MYO1D: variants seen among roughly 807,000 people sequenced by gnomAD.
MYO1D encodes the protein myosin ID.
Under a neutral mutation model 122.0 loss-of-function variants are expected in MYO1D, and 83 were observed. That is an observed-to-expected ratio of 0.68 (90% CI 0.57 to 0.82). The LOEUF (loss-of-function observed/expected upper bound fraction) is 0.82. MYO1D is among the 40% of genes least tolerant of loss of function. The pLI is 0.00. For missense variants in MYO1D, 1,157 were observed against 1,269.5 expected, an observed-to-expected ratio of 0.91 and a Z score of 1.35; for synonymous variants, 464 against 446.9, an observed-to-expected ratio of 1.04 and a Z score of -0.48.
At chr17:32,828,360 C>CA (rs2090741259) in intron 1 of MYO1D, among the ~76,000 whole-genome samples, 3 of 151,674 alleles carry the variant, frequency 2.0e-5, no homozygotes, top group African/African-American at 7.3e-5. Flanking sequence ...ACTAAAAATA[C>CA]AAAAAATTAG....
chr17:32,525,982 G>A (rs1447607528), intron 21 of MYO1D, among the ~76,000 whole-genome samples: 2 of 152,102 alleles, frequency 1.3e-5, no homozygotes, highest in African/African-American at 4.8e-5. Flanking sequence ...TTTTGCACAC[G>A]CTATTCCCCA....
chr17:32,686,070 C>T (rs2729352), intron 16 of MYO1D, among the ~76,000 whole-genome samples: 98,801 of 152,010 alleles, frequency 0.65, 32,622 homozygotes, highest in Middle Eastern at 0.74. Flanking sequence ...TCTCTGTGAA[C>T]GTTACCAGCT....
chr17:32,821,534 TCACACATACACACA>T (rs1283580538), intron 1 of MYO1D, among the ~76,000 whole-genome samples: 2 of 143,056 alleles, frequency 1.4e-5, no homozygotes, highest in African/African-American at 2.5e-5. Context: ...GATAAGTAAA[TCACACATACACACA>T]CACACACACA....
intron 21 of MYO1D, among the ~76,000 whole-genome samples, chr17:32,539,108 A>G (rs796546677): frequency 5.3e-5 from 8 of 152,290 alleles, no homozygotes; most frequent in Admixed American, 2.6e-4. Context: ...CCTGGAACTT[A>G]AAATAAATAA....
intron 21 of MYO1D, among the ~76,000 whole-genome samples, chr17:32,516,864 A>AT (rs371674793): frequency 1.5e-3 from 234 of 152,304 alleles, no homozygotes; most frequent in African/African-American, 5.3e-3. Flanking sequence ...AAATAGACAC[A>AT]TTTTCCCAAG....
intron 17 of MYO1D, among the ~76,000 whole-genome samples, chr17:32,656,910 T>C (rs2088484683): frequency 6.6e-6 from 1 of 152,228 alleles, no homozygotes; most frequent in South Asian, 2.1e-4. Flanking sequence ...CTGGTCAGCC[T>C]GTCCTGTCTT....
intron 1 of MYO1D, among the ~76,000 whole-genome samples, chr17:32,828,634 AGCT>A (rs1344049967): frequency 6.6e-6 from 1 of 152,118 alleles, no homozygotes; most frequent in Non-Finnish European, 1.5e-5. Flanking sequence ...GTTCTCTCTA[AGCT>A]ACTACATGCA....
chr17:32,633,848 C>A (rs1210184361), intron 20 of MYO1D, among the ~76,000 whole-genome samples: 3 of 152,128 alleles, frequency 2.0e-5, no homozygotes, highest in Admixed American at 1.3e-4. Context: ...GCCTGGTCAC[C>A]CTATTTAAAC....
intron 21 of MYO1D, among the ~76,000 whole-genome samples, chr17:32,581,246 T>G (rs1173993977): frequency 2.6e-5 from 4 of 152,196 alleles, no homozygotes; most frequent in Non-Finnish European, 5.9e-5. Flanking sequence ...ATCACATTCT[T>G]TTGTTACGCA....
chr17:32,812,060 T>C (rs1366906264), intron 1 of MYO1D, among the ~76,000 whole-genome samples: 1 of 152,196 alleles, frequency 6.6e-6, no homozygotes, highest in East Asian at 1.9e-4. Context: ...TATTTGGGTT[T>C]TTCTATTACT....
rs531710711 is a variant in MYO1D, at chr17:32,591,637, A to G, written c.2864+13450T>C. Among the ~76,000 whole-genome samples the G allele has an allele frequency of 3.3e-5, 5 of 151,820 alleles. No individual in the cohort carries two copies. In the East Asian group the frequency reaches 5.8e-4, roughly 18 times the overall value. The stretch of plus-strand genomic sequence containing the variant: ...TTCTTTTGCACTTGTCAGCAATTTC[A>G]AAAACACAAATCTTTGGTGATTTCA... On this transcript the variant is annotated intron_variant, in intron 21 of 21. Transcript: ENST00000318217.
intron 1 of MYO1D, among the ~76,000 whole-genome samples, chr17:32,860,148 C>G (rs77197468): frequency 6.6e-6 from 1 of 152,138 alleles, no homozygotes; most frequent in Non-Finnish European, 1.5e-5. Context: ...ACTGTTGCAA[C>G]GACCTTCCAC....
At chr17:32,820,120 G>A (rs757250595) in intron 1 of MYO1D, among the ~76,000 whole-genome samples, 10 of 152,174 alleles carry the variant, frequency 6.6e-5, no homozygotes, top group Non-Finnish European at 1.2e-4. Context: ...CTTTTAAAAA[G>A]TGAGAACAAG....
chr17:32,774,020 C>T (rs1236486491), intron 4 of MYO1D, among the ~76,000 whole-genome samples: 1 of 152,100 alleles, frequency 6.6e-6, no homozygotes, highest in East Asian at 1.9e-4. Context: ...CTGTGCCTTG[C>T]CAGGCTGAGC....
At chr17:32,571,823 T>C (rs753563954) in intron 21 of MYO1D, among the ~76,000 whole-genome samples, 11 of 152,196 alleles carry the variant, frequency 7.2e-5, no homozygotes, top group Non-Finnish European at 1.6e-4. Context: ...AAGTAACCCA[T>C]GCAGAGGACT....
intron 19 of MYO1D, among the ~76,000 whole-genome samples, chr17:32,641,483 G>T (rs1394342524): frequency 6.6e-6 from 1 of 152,144 alleles, no homozygotes; most frequent in Non-Finnish European, 1.5e-5. Context: ...GGTATTTCTA[G>T]TTCTAGATCC....
chr17:32,693,409 G>A (rs941127409), intron 16 of MYO1D, among the ~76,000 whole-genome samples: 1 of 151,978 alleles, frequency 6.6e-6, no homozygotes, highest in South Asian at 2.1e-4. Flanking sequence ...AAGTGGTGAG[G>A]GAGAAACCAA....
chr17:32,544,124 C>G (rs933927833), intron 21 of MYO1D, among the ~76,000 whole-genome samples: 3 of 146,748 alleles, frequency 2.0e-5, no homozygotes, highest in African/African-American at 7.7e-5. Flanking sequence ...GAGACAGGGT[C>G]TCACTCTGTT....
intron 21 of MYO1D, among the ~76,000 whole-genome samples, chr17:32,586,177 C>T (rs572228383): frequency 2.0e-5 from 3 of 152,296 alleles, no homozygotes; most frequent in South Asian, 4.2e-4. Context: ...CATAAGAATT[C>T]GTTTTCTGAG....
Sources: allele counts gnomAD v4.1 joint callset (sites outside exome capture counted in the v4.1 genomes callset), GRCh38; gene constraint gnomAD v4.1.1; transcripts MANE v1.5; gene names NCBI Gene and HGNC (gene_info 2026-07-23, HGNC 2026-07-21).